WDR17: variants seen among roughly 807,000 people sequenced by gnomAD.
WDR17 encodes WD repeat domain 17.
A neutral mutation model predicts 161.7 loss-of-function variants in WDR17; 143 were observed. That is an observed-to-expected ratio of 0.88 (90% CI 0.77 to 1.02). The LOEUF is 1.02. Among genes scored for constraint, WDR17 ranks in the 50% least tolerant of loss-of-function variants. The pLI is 0.00. For synonymous variants in WDR17, 517 were observed against 515.6 expected (o/e 1.00, Z -0.04); for missense variants, 1,469 against 1,520.9 (o/e 0.97, Z 0.57).
intron 19 of WDR17, 53 bp from the exon 20 acceptor site, chr4:176,160,858 G>T: frequency 7.1e-7 from 1 of 1,398,732 alleles, no homozygotes. Context: ...TCTGAAATGT[G>T]TCAATTATCA....
intron 1 of WDR17, among the ~76,000 whole-genome samples, chr4:176,097,867 G>T (rs919230220): frequency 6.6e-6 from 1 of 151,740 alleles, no homozygotes; most frequent in Non-Finnish European, 1.5e-5. Context: ...AATGACTTTG[G>T]AGAAGCTCAT....
At chr4:176,166,009 A>G in intron 22 of WDR17, 1 of 504,740 alleles carries the variant, frequency 2.0e-6, no homozygotes, top group Non-Finnish European at 3.5e-6. Flanking sequence ...ATTTATAAAG[A>G]TGTGCATAAT....
At chr4:176,110,819 C>A (rs1289795033) in intron 1 of WDR17, among the ~76,000 whole-genome samples, 2 of 152,138 alleles carry the variant, frequency 1.3e-5, no homozygotes, top group African/African-American at 4.8e-5. Flanking sequence ...ATGTGTGGTG[C>A]AAAGCTTGGT....
chr4:176,136,582 T>C (rs756250254), intron 8 of WDR17, among the ~76,000 whole-genome samples: 1 of 151,668 alleles, frequency 6.6e-6, no homozygotes, highest in Non-Finnish European at 1.5e-5. Flanking sequence ...GTTATGTGAT[T>C]ACTGGTGCAT....
intron 1 of WDR17, among the ~76,000 whole-genome samples, chr4:176,095,640 AC>A (rs1019822902): frequency 3.3e-5 from 5 of 151,478 alleles, no homozygotes; most frequent in African/African-American, 9.7e-5. Flanking sequence ...GTTGCTTAAT[AC>A]CCTTTTCATT....
chr4:176,130,051 G>C (rs963332913), intron 6 of WDR17, among the ~76,000 whole-genome samples: 1 of 151,930 alleles, frequency 6.6e-6, no homozygotes, highest in Admixed American at 6.6e-5. Context: ...TGTCATTTTC[G>C]AGCAATTCCT....
intron 4 of WDR17, 130 bp from the exon 5 acceptor site, chr4:176,124,974 A>AT (rs1742218792): frequency 1.9e-6 from 2 of 1,042,784 alleles, no homozygotes; most frequent in Non-Finnish European, 1.4e-6. Context: ...CGCCTTCTGC[A>AT]TATAAGCACC....
At chr4:176,095,313 A>G (rs1736681624) in intron 1 of WDR17, among the ~76,000 whole-genome samples, 2 of 152,188 alleles carry the variant, frequency 1.3e-5, no homozygotes, top group African/African-American at 4.8e-5. Context: ...GATTCAAGGA[A>G]GTCATCGAAA....
chr4:176,103,750 G>C (rs760486652), intron 1 of WDR17, among the ~76,000 whole-genome samples: 7 of 151,954 alleles, frequency 4.6e-5, no homozygotes, highest in Admixed American at 1.3e-4. Context: ...AGAGAAGTAA[G>C]CAAAACCGAA....
At chr4:176,165,836 G>A (rs1749693441) in intron 22 of WDR17, among the ~76,000 whole-genome samples, 3 of 151,970 alleles carry the variant, frequency 2.0e-5, no homozygotes, top group South Asian at 2.1e-4. Flanking sequence ...TCCTTGTAAC[G>A]CCCCCATCCC....
chr4:176,099,693 A>G (rs917062551), intron 1 of WDR17, among the ~76,000 whole-genome samples: 2 of 152,128 alleles, frequency 1.3e-5, no homozygotes, highest in African/African-American at 4.8e-5. Flanking sequence ...CATCACCTGA[A>G]TAATGTACAT....
At chr4:176,128,894 A>T (rs910185291) in intron 6 of WDR17, 34 bp downstream of exon 6, 42 of 1,508,884 alleles carry the variant, frequency 2.8e-5, no homozygotes, top group African/African-American at 1.6e-4. Context: ...TTTAATTTTT[A>T]AAAAATATTG....
chr4:176,174,581 T>C, intron 25 of WDR17, 36 bp from the exon 26 acceptor site: 1 of 1,488,952 alleles, frequency 6.7e-7, no homozygotes, highest in Non-Finnish European at 9.3e-7. Context: ...TGCCTCAAAT[T>C]GTGGAATTTA....
intron 1 of WDR17, among the ~76,000 whole-genome samples, chr4:176,083,687 T>C (rs1219332086): frequency 6.6e-6 from 1 of 152,120 alleles, no homozygotes; most frequent in Non-Finnish European, 1.5e-5. Context: ...TGCTGTTGGC[T>C]ATACACTTAG....
chr4:176,179,528 G>C lies in WDR17; in HGVS notation c.3801G>C (p.Lys1267Asn), dbSNP rs774172502. ...ISLNDALMWA[K>N]VNPFSPLGTG... ...TGAATGATGCTTTGATGTGGGCAAA[G>C]GTGAATCCATTCTCACCTTTAGGGA... is the stretch of plus-strand genomic sequence containing the variant. The change falls in exon 29 of 29, where the codon AAG becomes AAC. Residue 1267 changes from lysine to asparagine, a missense_variant. By Grantham distance (94) the Lys-to-Asn change is moderately conservative. Transcript: ENST00000508596. The C allele has an allele frequency of 3.1e-6, 5 of 1,605,718 alleles. No homozygotes were observed. Among genetic ancestry groups the C allele is most frequent in the Non-Finnish European group, 4.3e-6 (5 of 1,175,498 alleles).
At chr4:176,174,753 A>T in intron 26 of WDR17, 35 bp downstream of exon 26, 1 of 1,422,152 alleles carries the variant, frequency 7.0e-7, no homozygotes, top group Non-Finnish European at 9.8e-7. Context: ...ATGACATTAG[A>T]GCAATTTCTC....
At position 176,162,082 on chromosome 4, in the gene WDR17, C is replaced by G. The variant is rs1749115016; in HGVS notation, c.2758C>G (p.His920Asp). 6.2e-7 allele frequency: 1 copy of G among 1,611,960 alleles called. No individual in the cohort carries two copies. The highest frequency in any genetic ancestry group is 1.3e-5 in the African/African-American group (1 of 74,944). ...ACATTTTTTTCTTTCTAGACTCCTG[C>G]ACAAAGTCAGTAAAGAACTGGCAGA... ...IYKEDFNELL[H>D]KVSKELAEWY... Residue 920 changes from histidine (H) to aspartate (D), a missense_variant, in exon 21 of 29, where the codon CAC (histidine) becomes GAC (aspartate). His to Asp is a moderately conservative substitution (Grantham distance 81). Transcript: ENST00000508596.
At chr4:176,166,986 T>A (rs1749868498) in intron 22 of WDR17, among the ~76,000 whole-genome samples, 3 of 152,194 alleles carry the variant, frequency 2.0e-5, no homozygotes, top group Admixed American at 2.0e-4. Flanking sequence ...GTAAAAAACT[T>A]CACTAAAGTT....
At position 176,181,822 on chromosome 4, in the gene WDR17, G is replaced by A. The variant is rs4276243; in HGVS notation, c.*2243G>A. 0.69 allele frequency: 105,389 copies of A among 151,930 alleles called. 37,167 individuals are homozygous for A. Among genetic ancestry groups the A allele is most frequent in the South Asian group, 0.82 (3,963 of 4,826 alleles). The allele number at this position is 151,930 out of a possible 1,614,324, so 9.4% of individuals were successfully genotyped here. A position where few individuals can be genotyped will look rare whatever the true frequency, so the allele number is the denominator to read the frequency against. ...GAAAATAATATTTTTATGTATAAAA[G>A]ATGAAGAAAAAATTTTGCAAGTCTT... On this transcript the variant is annotated 3_prime_UTR_variant, in exon 29 of 29. Transcript: ENST00000508596.
Sources: allele counts gnomAD v4.1 joint callset (sites outside exome capture counted in the v4.1 genomes callset), GRCh38; gene constraint gnomAD v4.1.1; transcripts MANE v1.5; gene names NCBI Gene and HGNC (gene_info 2026-07-23, HGNC 2026-07-21).